FHIT: variants seen among roughly 807,000 people sequenced by gnomAD.
The protein encoded by FHIT is fragile histidine triad diadenosine triphosphatase.
A neutral mutation model predicts 17.9 loss-of-function variants in FHIT; 19 were observed. That is an observed-to-expected ratio of 1.06 (90% CI 0.74 to 1.56). The LOEUF (loss-of-function observed/expected upper bound fraction) is 1.56, where lower values mean the gene tolerates loss of function less well. Ranked by LOEUF, FHIT falls within the 40% of genes most tolerant of loss-of-function variation. FHIT has a pLI of 0.00. For synonymous variants in FHIT, 81 were observed against 69.7 expected (o/e 1.16, Z -0.81); for missense variants, 248 against 189.2 (o/e 1.31, Z -1.82).
At chr3:60,773,494 C>A (rs1700114047) in intron 4 of FHIT, among the ~76,000 whole-genome samples, 1 of 152,170 alleles carries the variant, frequency 6.6e-6, no homozygotes, top group African/African-American at 2.4e-5. Context: ...GTGTTTTCCC[C>A]TAGCAACAAT....
chr3:60,263,577 C>T (rs943766721), intron 5 of FHIT, among the ~76,000 whole-genome samples: 1 of 151,894 alleles, frequency 6.6e-6, no homozygotes, highest in Non-Finnish European at 1.5e-5. Context: ...AAGATACATG[C>T]TACATGATTC....
chr3:59,907,782 G>A (rs189009146), intron 8 of FHIT, among the ~76,000 whole-genome samples: 1 of 152,338 alleles, frequency 6.6e-6, no homozygotes, highest in East Asian at 1.9e-4. Context: ...CTGGAGGTCA[G>A]ATGTCCAAAA....
intron 5 of FHIT, among the ~76,000 whole-genome samples, chr3:60,115,195 C>T (rs1232065300): frequency 6.6e-6 from 1 of 152,020 alleles, no homozygotes; most frequent in African/African-American, 2.4e-5. Flanking sequence ...AAAATTAAAA[C>T]TTTCAGCTCC....
At chr3:59,925,307 T>C (rs1169481588) in intron 7 of FHIT, among the ~76,000 whole-genome samples, 3 of 152,128 alleles carry the variant, frequency 2.0e-5, no homozygotes, top group African/African-American at 7.2e-5. Context: ...GTTCTCACTA[T>C]GTTGCCCAGT....
intron 5 of FHIT, among the ~76,000 whole-genome samples, chr3:60,122,356 T>C (rs1453899317): frequency 6.6e-6 from 1 of 152,100 alleles, no homozygotes; most frequent in African/African-American, 2.4e-5. Context: ...TTGTGTTGAA[T>C]CCCGGCCCTC....
chr3:60,700,536 T>A (rs1327810496), intron 4 of FHIT, among the ~76,000 whole-genome samples: 1 of 148,174 alleles, frequency 6.7e-6, no homozygotes, highest in Non-Finnish European at 1.5e-5. Flanking sequence ...TAATGTTATT[T>A]GTCTTGATTT....
intron 4 of FHIT, among the ~76,000 whole-genome samples, chr3:60,635,512 G>A (rs183744614): frequency 6.6e-6 from 1 of 151,954 alleles, no homozygotes; most frequent in Non-Finnish European, 1.5e-5. Flanking sequence ...GGCTCCATTT[G>A]TCTTCATAGT....
At chr3:60,705,635 T>C (rs1449122639) in intron 4 of FHIT, among the ~76,000 whole-genome samples, 3 of 152,264 alleles carry the variant, frequency 2.0e-5, no homozygotes, top group African/African-American at 4.8e-5. Context: ...TTGAAATTCA[T>C]GGTTTCCAGT....
chr3:60,266,518 G>A (rs542399595), intron 5 of FHIT, among the ~76,000 whole-genome samples: 145 of 152,118 alleles, frequency 9.5e-4, no homozygotes, highest in Non-Finnish European at 1.8e-3. Context: ...GAAAACCACA[G>A]AATATACACT....
chr3:60,650,019 T>G (rs147918337), intron 4 of FHIT, among the ~76,000 whole-genome samples: 1 of 152,286 alleles, frequency 6.6e-6, no homozygotes, highest in Admixed American at 6.5e-5. Flanking sequence ...GCACCAAAAT[T>G]AATTGTAGAA....
intron 2 of FHIT, among the ~76,000 whole-genome samples, chr3:61,168,393 T>G (rs1335016194): frequency 6.6e-6 from 1 of 152,070 alleles, no homozygotes; most frequent in African/African-American, 2.4e-5. Context: ...CAAAAATGAG[T>G]GACAAAAGTA....
chr3:60,470,774 A>C (rs1239937594), intron 5 of FHIT, among the ~76,000 whole-genome samples: 7 of 152,086 alleles, frequency 4.6e-5, no homozygotes, highest in Non-Finnish European at 1.0e-4. Context: ...TTCCTCAAGC[A>C]GAAGGGATCT....
chr3:60,431,258 T>C (rs1231776890), intron 5 of FHIT, among the ~76,000 whole-genome samples: 1 of 152,006 alleles, frequency 6.6e-6, no homozygotes, highest in African/African-American at 2.4e-5. Flanking sequence ...TTCTATCCCT[T>C]ACATGCAACA....
intron 5 of FHIT, among the ~76,000 whole-genome samples, chr3:60,074,552 G>C (rs779534575): frequency 4.6e-5 from 7 of 151,908 alleles, no homozygotes; most frequent in Non-Finnish European, 7.4e-5. Flanking sequence ...ATGAGTTTCT[G>C]TCTCAAAGGT....
chr3:60,113,559 G>A (rs1425905364), intron 5 of FHIT, among the ~76,000 whole-genome samples: 1 of 151,806 alleles, frequency 6.6e-6, no homozygotes, highest in Non-Finnish European at 1.5e-5. Context: ...TTGGCCCAAA[G>A]GAGGACTACT....
intron 4 of FHIT, among the ~76,000 whole-genome samples, chr3:60,590,098 A>G (rs1553663632): frequency 6.6e-6 from 1 of 152,006 alleles, no homozygotes; most frequent in African/African-American, 2.4e-5. Context: ...TTGCAAAATA[A>G]TTTTTCTCTA....
intron 5 of FHIT, among the ~76,000 whole-genome samples, chr3:60,205,787 G>A (rs1344027799): frequency 6.6e-6 from 1 of 151,958 alleles, no homozygotes; most frequent in Non-Finnish European, 1.5e-5. Context: ...GTGAAATTGT[G>A]TTTTTAAAAC....
chr3:59,925,901 G>A (rs1174716298), intron 7 of FHIT, among the ~76,000 whole-genome samples: 1 of 152,180 alleles, frequency 6.6e-6, no homozygotes, highest in Non-Finnish European at 1.5e-5. Flanking sequence ...CTAATAGAAT[G>A]ACATTCTGAT....
chr3:60,713,048 G>A (rs1392550391), intron 4 of FHIT, among the ~76,000 whole-genome samples: 3 of 152,140 alleles, frequency 2.0e-5, no homozygotes, highest in Non-Finnish European at 4.4e-5. Flanking sequence ...CTCAACAAAC[G>A]TAAAAGAAGA....
Sources: allele counts gnomAD v4.1 joint callset (sites outside exome capture counted in the v4.1 genomes callset), GRCh38; gene constraint gnomAD v4.1.1; transcripts MANE v1.5; gene names NCBI Gene and HGNC (gene_info 2026-07-23, HGNC 2026-07-21).